NPM3: variants seen among roughly 807,000 people sequenced by gnomAD.
NPM3 encodes nucleophosmin/nucleoplasmin 3.
NPM3 carries 12 observed loss-of-function variants against 18.1 expected under a neutral mutation model. The ratio of observed to expected loss-of-function variants is 0.66; its 90% CI spans 0.42 to 1.07. The LOEUF (loss-of-function observed/expected upper bound fraction) is 1.07, where lower values mean the gene tolerates loss of function less well. Among genes scored for constraint, NPM3 ranks in the 50% least tolerant of loss-of-function variants. NPM3 has a pLI of 0.00. For synonymous variants in NPM3, 116 were observed against 93.7 expected, an observed-to-expected ratio of 1.24 and a Z score of -1.38; for missense variants, 274 against 232.1, an observed-to-expected ratio of 1.18 and a Z score of -1.17.
chr10:101,782,338 TCATCCAGACTGAGCTGGGAGG>T lies in NPM3; in HGVS notation c.325-8_337del. 6.2e-7 allele frequency: 1 copy of T among 1,613,802 alleles called. No individual in the cohort carries two copies. The highest frequency in any genetic ancestry group is 8.5e-7 in the Non-Finnish European group (1 of 1,179,900). ...GGTTACAGGTGGTTGGAGCTGGAAG[TCATCCAGACTGAGCTGGGAGG>T]AAGACAAGGATGAAGGCCTGGCCCA... On this transcript the variant is annotated splice_acceptor_variant and splice_polypyrimidine_tract_variant and coding_sequence_variant and intron_variant, in exon 4 of 6. Transcript: ENST00000370110. LOFTEE classifies it high-confidence loss of function.
chr10:101,781,714 C>T lies in NPM3; in HGVS notation c.*9+13G>A, dbSNP rs2065142011. The T allele has an allele frequency of 1.2e-6, 2 of 1,612,502 alleles. No homozygotes were observed. The highest frequency in any genetic ancestry group is 1.1e-5 in the South Asian group (1 of 90,974). On this transcript the variant is annotated intron_variant, in intron 5 of 5. Transcript: ENST00000370110. ...TTCCCAGAGCCTGCTAGGCACTTCT[C>T]CCCGCAACTCACCTAGGAGGGCTAG...
chr10:101,782,636 G>C, intron 2 of NPM3, 39 bp from the exon 3 acceptor site: 1 of 1,611,948 alleles, frequency 6.2e-7, no homozygotes, highest in Non-Finnish European at 8.5e-7. Flanking sequence ...CTCCTCAAGT[G>C]AGGGTTGACA....
intron 2 of NPM3, 101 bp downstream of exon 2, chr10:101,782,738 C>T (rs1166247491): frequency 6.4e-7 from 1 of 1,571,404 alleles, no homozygotes; most frequent in Non-Finnish European, 8.7e-7. Flanking sequence ...GGGGGTTAGG[C>T]TGAGGATGTG....
intron 1 of NPM3, 65 bp downstream of exon 1, chr10:101,783,208 T>C (rs1589818115): frequency 8.1e-7 from 1 of 1,240,472 alleles, no homozygotes. Flanking sequence ...CCCTCCGCAT[T>C]CCCGCCTCAC....
chr10:101,783,283 A>G, exon 1 of NPM3: 1 of 1,603,128 alleles, frequency 6.2e-7, no homozygotes, highest in Non-Finnish European at 8.5e-7. Flanking sequence ...CGAAGAAAAA[A>G]CTGTCCATAG....
chr10:101,782,371 G>T lies in NPM3; in HGVS notation c.325-20C>A. The T allele has an allele frequency of 6.2e-7, 1 of 1,612,248 alleles. No homozygotes were observed. The highest frequency in any genetic ancestry group is 1.1e-5 in the South Asian group (1 of 90,750). On this transcript the variant is annotated intron_variant, in intron 3 of 5. Coordinates refer to ENST00000370110, the Ensembl canonical transcript of NPM3. ...ACTGAGCTGGGAGGAAGACAAGGAT[G>T]AAGGCCTGGCCCACTCCTAGCCCAC...
chr10:101,783,234 C>A (rs2065157223), intron 1 of NPM3, 39 bp downstream of exon 1: 1 of 1,428,540 alleles, frequency 7.0e-7, no homozygotes, highest in Non-Finnish European at 9.7e-7. Flanking sequence ...TACCTCTTAC[C>A]GCCCCAGTAC....
At chr10:101,782,480 T>G in exon 3 of NPM3, 1 of 1,611,180 alleles carries the variant, frequency 6.2e-7, no homozygotes, top group Middle Eastern at 1.7e-4. Context: ...GAACTCACCA[T>G]GGGTTGGCAG....
intron 2 of NPM3, 85 bp downstream of exon 2, chr10:101,782,754 A>T (rs2065152001): frequency 6.4e-7 from 1 of 1,573,816 alleles, no homozygotes; most frequent in Non-Finnish European, 8.7e-7. Context: ...ATGTGTCTCC[A>T]AGTAAAGGGG....
At position 101,781,721 on chromosome 10, in the gene NPM3, A is replaced by T. The variant is rs374727544; in HGVS notation, c.*9+6T>A. ...AGCCTGCTAGGCACTTCTCCCCGCA[A>T]CTCACCTAGGAGGGCTAGGGCCTGC... On this transcript the variant is annotated splice_donor_region_variant and intron_variant, in intron 5 of 5. Transcript: ENST00000370110. 1.2e-5 allele frequency: 20 copies of T among 1,612,476 alleles called. No individual in the cohort carries two copies. Among genetic ancestry groups the T allele is most frequent in the Non-Finnish European group, 1.6e-5 (19 of 1,179,352 alleles).
rs903282371 is a variant in NPM3 at position 101,781,731 on chromosome 10, G to A, written c.*5C>T. ...GCACTTCTCCCCGCAACTCACCTAG[G>A]AGGGCTAGGGCCTGCCCCCCTGCTT... is the stretch of plus-strand genomic sequence containing the variant. On this transcript the variant is annotated 3_prime_UTR_variant, in exon 5 of 6. Coordinates refer to ENST00000370110, the Ensembl canonical transcript of NPM3. 6.2e-6 allele frequency: 10 copies of A among 1,613,456 alleles called. No individual in the cohort carries two copies. The African/African-American group carries it at 1.3e-4, about 22-fold the overall frequency.
rs537876499 is a variant in NPM3 at position 101,781,472 on chromosome 10, CCACGGCTGTGTGGAG to C, written c.*155_*169del. Reference sequence around the variant, plus strand: ...CCCGGGCATGGTGAAAATCAGAAAACCACGGCTGTGTGGAGCACAGGCCCTCTCCTAGCACCAAAG... The same window carrying C: ...CCCGGGCATGGTGAAAATCAGAAAACCACAGGCCCTCTCCTAGCACCAAAG... On this transcript the variant is annotated 3_prime_UTR_variant, in exon 6 of 6. Transcript: ENST00000370110. 9.3e-4 allele frequency: 439 copies of C among 471,288 alleles called. 5 individuals are homozygous for C. In the South Asian group the frequency reaches 0.015, roughly 16 times the overall value. The allele number at this position is 471,288 out of a possible 1,614,324, so 29.2% of individuals were successfully genotyped here. A position where few individuals can be genotyped will look rare whatever the true frequency, so the allele number is the denominator to read the frequency against.
At chr10:101,782,269 C>T (rs1238734009) in exon 4 of NPM3, 3 of 1,613,334 alleles carry the variant, frequency 1.9e-6, no homozygotes, top group African/African-American at 1.3e-5. Flanking sequence ...AATCTGGTGC[C>T]GCCCAGTGAT....
chr10:101,783,256 T>A lies in NPM3; in HGVS notation c.118+17A>T. ...TACCGCCCCAGTACCACCCTCAGCCTCTCCCTTCACTAATACCGAAGAAAA... is the reference window on the plus strand; with the variant it reads ...TACCGCCCCAGTACCACCCTCAGCCACTCCCTTCACTAATACCGAAGAAAA... On this transcript the variant is annotated intron_variant, in intron 1 of 5. Transcript: ENST00000370110. 6.4e-7 allele frequency: 1 copy of A among 1,558,314 alleles called. No individual in the cohort carries two copies. The highest frequency in any genetic ancestry group is 1.8e-5 in the Admixed American group (1 of 55,918).
Position 101,782,610 on chromosome 10 carries a change from C to T in NPM3, c.205-13G>A. On this transcript the variant is annotated splice_polypyrimidine_tract_variant and intron_variant, in intron 2 of 5. Transcript: ENST00000370110. Reference sequence around the variant, plus strand: ...CGGTGAGGCAGAGCTGGGAACGGTACACAGGGCCTCAGGGTCTCCTCAAGT... The same window carrying T: ...CGGTGAGGCAGAGCTGGGAACGGTATACAGGGCCTCAGGGTCTCCTCAAGT... 1 of 1,613,450 alleles carries T rather than the reference C, an allele frequency of 6.2e-7. No homozygotes were observed. Among genetic ancestry groups the T allele is most frequent in the Non-Finnish European group, 8.5e-7 (1 of 1,180,000 alleles).
intron 4 of NPM3, 121 bp from the exon 5 acceptor site, chr10:101,781,975 G>A (rs1318452700): frequency 1.3e-6 from 2 of 1,531,368 alleles, no homozygotes; most frequent in Non-Finnish European, 1.8e-6. Context: ...AGTGCTTATG[G>A]GCTAGGTGGG....
At chr10:101,782,230 A>G (rs924642918) in intron 4 of NPM3, 28 bp downstream of exon 4, 1 of 1,585,056 alleles carries the variant, frequency 6.3e-7, no homozygotes, top group Non-Finnish European at 8.6e-7. Context: ...CACTGGAAGC[A>G]AAGGAGAGGG....
At chr10:101,782,117 A>C in intron 4 of NPM3, 141 bp downstream of exon 4, 1 of 894,750 alleles carries the variant, frequency 1.1e-6, no homozygotes, top group Non-Finnish European at 1.7e-6. Flanking sequence ...TGTCATGCAC[A>C]GGGCACAGCG....
exon 5 of NPM3, chr10:101,781,850 C>A: frequency 1.2e-6 from 2 of 1,614,156 alleles, no homozygotes; most frequent in African/African-American, 1.3e-5. Flanking sequence ...CATTGCTCAT[C>A]GTAACTGGTG....
Sources: gnomAD v4.1 joint callset for allele counts on GRCh38, gnomAD v4.1.1 for gene constraint, MANE v1.5 for transcripts, NCBI Gene and HGNC (gene_info 2026-07-23, HGNC 2026-07-21) for gene names.